TRAPPC8: variants seen among roughly 807,000 people sequenced by gnomAD.
TRAPPC8 encodes general sporulation gene 1 homolog.
In TRAPPC8, 54 loss-of-function variants were observed where a neutral mutation model predicts 174.3. That is an observed-to-expected ratio of 0.31 (90% CI 0.25 to 0.39). The LOEUF (loss-of-function observed/expected upper bound fraction) is 0.39, where lower values mean the gene tolerates loss of function less well. Ranked by LOEUF, TRAPPC8 falls within the 10% of genes least tolerant of loss-of-function variation. The probability of loss-of-function intolerance (pLI) is 1.00; values close to 1 mark genes in which losing one functional copy is unlikely to be tolerated. For synonymous variants in TRAPPC8, 630 were observed against 579.9 expected (o/e 1.09, Z -1.24); for missense variants, 1,531 against 1,699.1 (o/e 0.90, Z 1.74).
At chr18:31,902,049 G>C (rs945764152) in intron 9 of TRAPPC8, among the ~76,000 whole-genome samples, 1 of 152,140 alleles carries the variant, frequency 6.6e-6, no homozygotes, top group African/African-American at 2.4e-5. Context: ...GTGTGGTGAC[G>C]CATGCCTGTA....
chr18:31,907,509 T>C lies in TRAPPC8; in HGVS notation c.1340A>G (p.Lys447Arg). ...TGCTTGATCATTAAGAAAATCTTTC[T>C]TTGCAGTATGATAGCAACTGTAAGC... ...DLAYSCYHTA[K>R]KDFLNDQAML... The change falls in exon 9 of 29, where the codon AAG becomes AGG. Residue 447 changes from lysine to arginine, a missense_variant. Lys to Arg is a conservative substitution (Grantham distance 26). Coordinates refer to ENST00000283351, the MANE Select transcript of TRAPPC8 (RefSeq NM_014939.5). The C allele has an allele frequency of 6.2e-7, 1 of 1,606,250 alleles. No homozygotes were observed.
intron 18 of TRAPPC8, 150 bp from the exon 19 acceptor site, chr18:31,864,931 A>T: frequency 1.3e-6 from 1 of 742,712 alleles, no homozygotes; most frequent in Non-Finnish European, 2.1e-6. Flanking sequence ...AGAATTTAGT[A>T]TATTTTCATT....
chr18:31,857,651 G>C lies in TRAPPC8; in HGVS notation c.3077C>G (p.Pro1026Arg). Residue 1026 changes from proline to arginine, a missense_variant, in exon 20 of 29, where the codon CCC becomes CGC. Pro to Arg is a moderately radical substitution (Grantham distance 103). Transcript: ENST00000283351. ...PVPLPDTVLL[P>R]GASVQLPMWL... Reference sequence around the variant, plus strand: ...CATTGGCAGCTGCACTGAGGCTCCGGGTAGAAGAACAGTGTCAGGAAGGGG... The same window carrying C: ...CATTGGCAGCTGCACTGAGGCTCCGCGTAGAAGAACAGTGTCAGGAAGGGG... 6.2e-7 allele frequency: 1 copy of C among 1,614,108 alleles called. No homozygotes were observed. The highest frequency in any genetic ancestry group is 8.5e-7 in the Non-Finnish European group (1 of 1,180,008).
chr18:31,912,327 C>T (rs2036947394), intron 5 of TRAPPC8, among the ~76,000 whole-genome samples: 2 of 152,098 alleles, frequency 1.3e-5, no homozygotes, highest in African/African-American at 4.8e-5. Context: ...CCTCTCTCTG[C>T]TAAAAATACA....
At chr18:31,898,852 GTTTTTC>G (rs1399894645) in intron 10 of TRAPPC8, among the ~76,000 whole-genome samples, 1 of 152,122 alleles carries the variant, frequency 6.6e-6, no homozygotes, top group African/African-American at 2.4e-5. Flanking sequence ...AGCAGCAAAA[GTTTTTC>G]TTTTTACTTT....
intron 10 of TRAPPC8, among the ~76,000 whole-genome samples, chr18:31,899,217 TTTTAC>T (rs2036306177): frequency 1.3e-5 from 2 of 152,184 alleles, no homozygotes; most frequent in Non-Finnish European, 2.9e-5. Context: ...TTAACACTTA[TTTTAC>T]TTATTTATGT....
intron 2 of TRAPPC8, among the ~76,000 whole-genome samples, chr18:31,924,100 G>A (rs926724888): frequency 2.0e-5 from 3 of 150,762 alleles, no homozygotes; most frequent in Non-Finnish European, 4.4e-5. Flanking sequence ...CCTGGCCAAC[G>A]TGGTGAAACC....
intron 2 of TRAPPC8, among the ~76,000 whole-genome samples, chr18:31,927,819 G>T (rs961401512): frequency 6.6e-6 from 1 of 152,190 alleles, no homozygotes; most frequent in Admixed American, 6.5e-5. Flanking sequence ...AGCACTTTGA[G>T]AGGTGGCTGC....
At position 31,909,682 on chromosome 18, in the gene TRAPPC8, C is replaced by A; in HGVS notation, c.850G>T (p.Asp284Tyr). Residue 284 changes from aspartate (D) to tyrosine (Y), a missense_variant, in exon 6 of 29, where the codon GAT becomes TAT. Transcript: ENST00000283351. ...DNNLLSLDGL[D>Y]NEVKDGLPNN... ...ATATCAAGACCTTTGACTTCGTTATCTAATCCATCCAATGAAAGCAAGTTA... is the reference window on the plus strand; with the variant it reads ...ATATCAAGACCTTTGACTTCGTTATATAATCCATCCAATGAAAGCAAGTTA... The A allele has an allele frequency of 6.3e-7, 1 of 1,599,784 alleles. No individual in the cohort carries two copies. The highest frequency in any genetic ancestry group is 8.5e-7 in the Non-Finnish European group (1 of 1,176,256).
intron 26 of TRAPPC8, 65 bp from the exon 27 acceptor site, chr18:31,839,522 A>AG: frequency 7.1e-7 from 1 of 1,416,194 alleles, no homozygotes; most frequent in Non-Finnish European, 9.5e-7. Context: ...AAAAAAAAGC[A>AG]TAGTGTATAT....
chr18:31,890,173 A>T (rs2035892757), intron 12 of TRAPPC8, among the ~76,000 whole-genome samples: 1 of 152,174 alleles, frequency 6.6e-6, no homozygotes, highest in African/African-American at 2.4e-5. Context: ...TGCTACTCTC[A>T]GCCTCCAAGA....
Position 31,830,736 on chromosome 18 carries a change from A to G in TRAPPC8, c.*19T>C, listed in dbSNP as rs2032309835. ...GCAAAAACTGATTATTGTGGATTTC[A>G]GTACAAATTTCCAAGTTGTCACACA... On this transcript the variant is annotated 3_prime_UTR_variant, in exon 29 of 29. Coordinates refer to ENST00000283351, the MANE Select transcript of TRAPPC8 (RefSeq NM_014939.5). 1.9e-6 allele frequency: 3 copies of G among 1,600,460 alleles called. No homozygotes were observed. The highest frequency in any genetic ancestry group is 2.6e-6 in the Non-Finnish European group (3 of 1,169,854).
At position 31,855,899 on chromosome 18, in the gene TRAPPC8, C is replaced by A. The variant is rs2033981059; in HGVS notation, c.3189-92G>T. ...CCAAATAAAGATTTTAAAAACTGAT[C>A]ACTCTCAGGACCATTTATACTCTAA... On this transcript the variant is annotated intron_variant, in intron 20 of 28. Coordinates refer to ENST00000283351, the MANE Select transcript of TRAPPC8 (RefSeq NM_014939.5). 5.1e-6 allele frequency: 7 copies of A among 1,362,456 alleles called. 1 individual carries two copies. The East Asian group carries it at 1.8e-4, about 35-fold the overall frequency. 84.4% of individuals were successfully genotyped at this position (1,362,456 alleles called of 1,614,324 possible).
chr18:31,883,524 G>C (rs1203213884), intron 12 of TRAPPC8: 1 of 152,488 alleles, frequency 6.6e-6, no homozygotes, highest in Non-Finnish European at 1.5e-5. Flanking sequence ...CCAAGTTCCA[G>C]TCAATCACAA....
chr18:31,934,849 G>A (rs1450754007), intron 1 of TRAPPC8, among the ~76,000 whole-genome samples: 2 of 150,988 alleles, frequency 1.3e-5, no homozygotes, highest in Non-Finnish European at 3.0e-5. Flanking sequence ...CCTGGGCAAT[G>A]AGAGCTGAGA....
intron 7 of TRAPPC8, 113 bp downstream of exon 7, chr18:31,908,641 T>A (rs1238509717): frequency 3.4e-6 from 4 of 1,169,276 alleles, no homozygotes; most frequent in Non-Finnish European, 4.6e-6. Context: ...GAAGTCTTAA[T>A]ATTGGCCTAT....
intron 9 of TRAPPC8, among the ~76,000 whole-genome samples, chr18:31,902,455 G>T (rs1264033272): frequency 1.3e-5 from 2 of 152,212 alleles, no homozygotes; most frequent in East Asian, 1.9e-4. Flanking sequence ...TGTTCTCCCA[G>T]ATATTCTGCC....
chr18:31,907,624 A>C lies in TRAPPC8; in HGVS notation c.1239-14T>G, dbSNP rs1347013940. 6.3e-7 allele frequency: 1 copy of C among 1,579,880 alleles called. No individual in the cohort carries two copies. Among genetic ancestry groups the C allele is most frequent in the Admixed American group, 1.7e-5 (1 of 57,438 alleles). The stretch of plus-strand genomic sequence containing the variant: ...TCCGGCGGATACCTGTAAATACAAA[A>C]GAAAATAATTTATAATTTATTACCC... On this transcript the variant is annotated splice_polypyrimidine_tract_variant and intron_variant, in intron 8 of 28. Coordinates refer to ENST00000283351, the MANE Select transcript of TRAPPC8 (RefSeq NM_014939.5).
chr18:31,855,430 T>C (rs2033948291), intron 21 of TRAPPC8, among the ~76,000 whole-genome samples: 1 of 152,180 alleles, frequency 6.6e-6, no homozygotes, highest in African/African-American at 2.4e-5. Context: ...CTATATAGCA[T>C]ATCAGTGTGT....
Sources: allele counts gnomAD v4.1 joint callset (sites outside exome capture counted in the v4.1 genomes callset), GRCh38; gene constraint gnomAD v4.1.1; transcripts MANE v1.5; gene names NCBI Gene and HGNC (gene_info 2026-07-23, HGNC 2026-07-21).